Variants in MKRN1 observed in about 807,000 individuals in gnomAD.
MKRN1 encodes the protein E3 ubiquitin-protein ligase makorin-1.
Under a neutral mutation model 55.5 loss-of-function variants are expected in MKRN1, and 9 were observed. The ratio of observed to expected loss-of-function variants is 0.16; its 90% CI spans 0.10 to 0.28. The LOEUF is 0.28. Ranked by LOEUF, MKRN1 falls within the 10% of genes least tolerant of loss-of-function variation. The pLI is 1.00. For synonymous variants in MKRN1, 253 were observed against 235.9 expected (o/e 1.07, Z -0.66); for missense variants, 488 against 626.7 (o/e 0.78, Z 2.36).
At chr7:140,469,639 G>C (rs776174505) in intron 2 of MKRN1, among the ~76,000 whole-genome samples, 8 of 152,030 alleles carry the variant, frequency 5.3e-5, no homozygotes, top group Non-Finnish European at 1.0e-4. Flanking sequence ...TGGGCCAGGC[G>C]GGGTGGCTCA....
intron 2 of MKRN1, among the ~76,000 whole-genome samples, chr7:140,465,104 G>C (rs1357803793): frequency 6.6e-6 from 1 of 152,106 alleles, no homozygotes; most frequent in African/African-American, 2.4e-5. Context: ...CCCTTTCCCT[G>C]GTTGGTTTAC....
chr7:140,466,330 A>C (rs555155743), intron 2 of MKRN1, among the ~76,000 whole-genome samples: 27 of 152,292 alleles, frequency 1.8e-4, no homozygotes, highest in Non-Finnish European at 2.9e-4. Flanking sequence ...CTCATCCTCT[A>C]AAGAGTTCTA....
intron 1 of MKRN1, among the ~76,000 whole-genome samples, chr7:140,477,554 C>A (rs1245217751): frequency 2.0e-5 from 3 of 152,184 alleles, no homozygotes; most frequent in Non-Finnish European, 2.9e-5. Flanking sequence ...GAGCTCCTGA[C>A]CTCGTGATCC....
chr7:140,473,991 TCAAAAAAAA>T (rs1795016669), intron 1 of MKRN1, among the ~76,000 whole-genome samples: 1 of 29,460 alleles, frequency 3.4e-5, no homozygotes, highest in Non-Finnish European at 5.9e-5. Flanking sequence ...AAACTCCGTC[TCAAAAAAAA>T]AAAAAAAAGA....
In MKRN1 at chr7:140,455,866, C is replaced by T; in HGVS notation, c.1021G>A (p.Val341Ile). ...TCCACCCAGTACTCACTTGGAATGA[C>T]AAAGTTAGATGTGATCCGGCATTCT... ...CPECRITSNF[V>I]IPSEYWVEEK... Residue 341 changes from valine to isoleucine, a missense_variant, in exon 6 of 8, where the codon GTC becomes ATC. Transcript: ENST00000255977. 6.2e-7 allele frequency: 1 copy of T among 1,614,086 alleles called. No homozygotes were observed. The highest frequency in any genetic ancestry group is 1.3e-5 in the African/African-American group (1 of 75,022).
At position 140,473,040 on chromosome 7, in the gene MKRN1, G is replaced by A. The variant is rs185569644; in HGVS notation, c.186-1029C>T. On this transcript the variant is annotated intron_variant, in intron 1 of 7. Coordinates refer to ENST00000255977, the MANE Select transcript of MKRN1 (RefSeq NM_013446.4). ...GCTGAGGCAGGGATTGCAGTGAGCC[G>A]AGATCGTGCCATTGAGCCACTGCGC... 7.2e-3 allele frequency among the ~76,000 whole-genome samples: 1,089 copies of A among 151,688 alleles called. 15 individuals carry two copies. Among genetic ancestry groups the A allele is most frequent in the African/African-American group, 0.024 (993 of 41,380 alleles).
At chr7:140,474,453 GT>G (rs760397934) in intron 1 of MKRN1, 1 of 349,506 alleles carries the variant, frequency 2.9e-6, no homozygotes, top group South Asian at 2.0e-5. Context: ...GGGCCCAGAG[GT>G]TGCAGTGAAC....
chr7:140,460,093 G>A (rs564142443), intron 2 of MKRN1, 157 bp from the exon 3 acceptor site: 18 of 650,888 alleles, frequency 2.8e-5, no homozygotes, highest in East Asian at 2.5e-4. Flanking sequence ...TACCAAAAAC[G>A]CAAAAATTAG....
At chr7:140,456,617 A>G (rs927596154) in intron 5 of MKRN1, 35 bp downstream of exon 5, 1 of 1,605,892 alleles carries the variant, frequency 6.2e-7, no homozygotes, top group African/African-American at 1.3e-5. Context: ...TCCCCAAAAG[A>G]GAAAGCACAA....
intron 2 of MKRN1, among the ~76,000 whole-genome samples, chr7:140,470,773 C>T (rs373987127): frequency 6.6e-6 from 1 of 151,782 alleles, no homozygotes; most frequent in East Asian, 1.9e-4. Flanking sequence ...AAAAATTAGC[C>T]GGGCATAGTG....
At chr7:140,461,370 C>T (rs1229763875) in intron 2 of MKRN1, among the ~76,000 whole-genome samples, 1 of 152,122 alleles carries the variant, frequency 6.6e-6, no homozygotes, top group African/African-American at 2.4e-5. Context: ...TGGCCTGGTG[C>T]GGTGGCTCAC....
rs1239096774 is a variant in MKRN1, at chr7:140,479,150, A to C, written c.185+10T>G. The C allele has an allele frequency of 3.4e-5, 45 of 1,338,276 alleles. No homozygotes were observed. The highest frequency in any genetic ancestry group is 3.6e-5 in the Non-Finnish European group (38 of 1,045,712). The allele number at this position is 1,338,276 out of a possible 1,614,324, so 82.9% of individuals were successfully genotyped here. On this transcript the variant is annotated intron_variant, in intron 1 of 7. Coordinates refer to ENST00000255977, the MANE Select transcript of MKRN1 (RefSeq NM_013446.4). Reference sequence around the variant, plus strand: ...CCCCGCGCCCGGCGCTCCGCCGCGCAACGTCCTACCTGCAGGTGACCTGTT... The same window carrying C: ...CCCCGCGCCCGGCGCTCCGCCGCGCCACGTCCTACCTGCAGGTGACCTGTT...
chr7:140,454,466 G>T lies in MKRN1; in HGVS notation c.*51C>A, dbSNP rs752836500. The stretch of plus-strand genomic sequence containing the variant: ...CAGGCACTGCCACACCACCACAGGG[G>T]ACAGCTGCTGTCTGAGGTCAGCAGA... On this transcript the variant is annotated 3_prime_UTR_variant, in exon 8 of 8. Coordinates refer to ENST00000255977, the MANE Select transcript of MKRN1 (RefSeq NM_013446.4). 1.4e-5 allele frequency: 21 copies of T among 1,536,732 alleles called. No homozygotes were observed. Among genetic ancestry groups the T allele is most frequent in the Middle Eastern group, 4.6e-4 (2 of 4,314 alleles).
chr7:140,474,446 C>G (rs1476979709), intron 1 of MKRN1: 12 of 350,214 alleles, frequency 3.4e-5, no homozygotes, highest in East Asian at 3.3e-4. Flanking sequence ...TTGGGGGGGG[C>G]CCAGAGGTTG....
chr7:140,457,688 ACT>A (rs1164322557), intron 4 of MKRN1, among the ~76,000 whole-genome samples: 2 of 151,894 alleles, frequency 1.3e-5, no homozygotes, highest in Admixed American at 6.6e-5. Context: ...ACAAAGCAAG[ACT>A]CTGTCTCAAA....
Position 140,459,085 on chromosome 7 carries a change from G to T in MKRN1, c.693C>A (p.Leu231=). The change falls in exon 4 of 8, where the codon CTC becomes CTA. Residue 231 remains leucine (L), a synonymous_variant. Coordinates refer to ENST00000255977, the MANE Select transcript of MKRN1 (RefSeq NM_013446.4). The part of the protein sequence containing the change: ...ECRYGENCVY[L]HGDSCDMCGL... The stretch of plus-strand genomic sequence containing the variant: ...CACACATGTCACAAGAATCTCCGTG[G>T]AGATACACACAGTTCTCCCCGTATC... 1 of 1,613,954 alleles carries T rather than the reference G, an allele frequency of 6.2e-7. No homozygotes were observed.
At chr7:140,464,368 C>T (rs992718426) in intron 2 of MKRN1, among the ~76,000 whole-genome samples, 1 of 152,086 alleles carries the variant, frequency 6.6e-6, no homozygotes, top group African/African-American at 2.4e-5. Context: ...CACACCACTG[C>T]ACTCCAGCCT....
rs1563096127 is a variant in MKRN1, at chr7:140,473,116, A to G, written c.186-1105T>C. Reference sequence around the variant, plus strand: ...CATCTCAAAAAGAAAAAGAAAAAGAAAAAGAAAAAAAGATATAGTCTACGT... The same window carrying G: ...CATCTCAAAAAGAAAAAGAAAAAGAGAAAGAAAAAAAGATATAGTCTACGT... On this transcript the variant is annotated intron_variant, in intron 1 of 7. Transcript: ENST00000255977. The G allele has an allele frequency of 1.4e-5, 5 of 351,542 alleles. No individual in the cohort carries two copies. In the Admixed American group the frequency reaches 1.7e-4, roughly 12 times the overall value. 21.8% of individuals were successfully genotyped at this position (351,542 alleles called of 1,614,324 possible).
At chr7:140,461,982 T>C (rs1385464497) in intron 2 of MKRN1, among the ~76,000 whole-genome samples, 1 of 152,154 alleles carries the variant, frequency 6.6e-6, no homozygotes, top group African/African-American at 2.4e-5. Context: ...AAACTCCATC[T>C]CGAAAGAAAA....
Sources: gnomAD v4.1 joint callset for allele counts (sites outside exome capture counted in the v4.1 genomes callset) on GRCh38, gnomAD v4.1.1 for gene constraint, MANE v1.5 for transcripts, NCBI Gene and HGNC (gene_info 2026-07-23, HGNC 2026-07-21) for gene names.